The following PARP16 variants were observed in gnomAD, a reference collection of about 807,000 sequenced individuals.
The protein encoded by PARP16 is poly(ADP-ribose) polymerase family member 16.
A neutral mutation model predicts 35.0 loss-of-function variants in PARP16; 31 were observed. The observed-to-expected ratio is 0.88, with a 90% CI of 0.66 to 1.19. The LOEUF is 1.19. Among genes scored for constraint, PARP16 ranks in the 50% most tolerant of loss-of-function variants. The pLI is 0.00. For synonymous variants in PARP16, 162 were observed against 169.5 expected (o/e 0.96, Z 0.34); for missense variants, 424 against 411.2 (o/e 1.03, Z -0.27).
intron 3 of PARP16, among the ~76,000 whole-genome samples, chr15:65,239,955 C>CTTTTTTTTTTTTTTTTTTTTTTTTTTTTT (rs367808430): frequency 2.4e-5 from 2 of 81,722 alleles, no homozygotes; most frequent in African/African-American, 5.8e-5. Context: ...CGCGTCTGAC[C>CTTTTTTTTTTTTTTTTTTTTTTTTTTTTT]TTTTTTTTTT....
chr15:65,276,252 C>T (rs1377249679), intron 1 of PARP16, among the ~76,000 whole-genome samples: 1 of 152,152 alleles, frequency 6.6e-6, no homozygotes, highest in South Asian at 2.1e-4. Flanking sequence ...TGACTAAAAC[C>T]TGTCTGCATT....
chr15:65,262,134 CTTTTTTT>C (rs958810685), intron 4 of PARP16, among the ~76,000 whole-genome samples: 29 of 132,242 alleles, frequency 2.2e-4, no homozygotes, highest in Middle Eastern at 3.9e-3. Flanking sequence ...TTTTTTCTTT[CTTTTTTT>C]TTTTTTTTTT....
At chr15:65,233,876 G>A (rs1278164387), downstream of PARP16, among the ~76,000 whole-genome samples, 1 of 152,056 alleles carries the variant, frequency 6.6e-6, no homozygotes, top group Non-Finnish European at 1.5e-5. Context: ...TTTGGCCTGA[G>A]TATTCCTTAC....
intron 3 of PARP16, among the ~76,000 whole-genome samples, chr15:65,236,937 A>G (rs904471182): frequency 2.0e-5 from 3 of 148,478 alleles, no homozygotes; most frequent in African/African-American, 7.5e-5. Flanking sequence ...GCACCACTGC[A>G]CTCTAGCCTG....
At chr15:65,239,761 A>G (rs964070014) in intron 3 of PARP16, among the ~76,000 whole-genome samples, 1 of 145,758 alleles carries the variant, frequency 6.9e-6, no homozygotes, top group African/African-American at 2.6e-5. Flanking sequence ...GGTTCACGCC[A>G]TTCTCCTGCC....
intron 3 of PARP16, among the ~76,000 whole-genome samples, chr15:65,239,100 C>T (rs1386926134): frequency 6.6e-6 from 1 of 151,686 alleles, no homozygotes; most frequent in African/African-American, 2.4e-5. Context: ...TACTGCACAG[C>T]AGCCTGGGTG....
intron 3 of PARP16, among the ~76,000 whole-genome samples, chr15:65,239,495 A>C (rs938863128): frequency 2.0e-5 from 3 of 149,578 alleles, no homozygotes; most frequent in Non-Finnish European, 3.0e-5. Flanking sequence ...AAAAATGAAA[A>C]AGAACTATAC....
intron 3 of PARP16, among the ~76,000 whole-genome samples, chr15:65,264,743 G>T (rs527831590): frequency 6.6e-6 from 1 of 152,190 alleles, no homozygotes; most frequent in Non-Finnish European, 1.5e-5. Flanking sequence ...GTGTACAAGA[G>T]TGGGAAGCTC....
rs760479511 is a variant in PARP16, at chr15:65,271,001, G to C, written c.246C>G (p.Ala82=). 1.9e-6 allele frequency: 3 copies of C among 1,614,082 alleles called. No individual in the cohort carries two copies. In the Admixed American group the frequency reaches 5.0e-5, roughly 27 times the overall value. Residue 82 remains alanine (A), a synonymous_variant, in exon 2 of 6, where the codon GCC becomes GCG. Coordinates refer to ENST00000649807, the MANE Select transcript of PARP16 (RefSeq NM_001316943.2). ...LQSSGDNHKR[A]WDLVSWILSS... ...ATAAAATCCAGCTCACCAGGTCCCA[G>C]GCCCGTTTGTGGTTGTCTCCGGAGG...
At chr15:65,285,299 G>A (rs1472899934) in intron 1 of PARP16, among the ~76,000 whole-genome samples, 7 of 151,968 alleles carry the variant, frequency 4.6e-5, no homozygotes, top group African/African-American at 1.5e-4. Context: ...CACCACGCCC[G>A]GCTAACTTTT....
chr15:65,272,998 G>A (rs531551799), intron 1 of PARP16, among the ~76,000 whole-genome samples: 1 of 152,174 alleles, frequency 6.6e-6, no homozygotes, highest in South Asian at 2.1e-4. Context: ...CCTGTGTGGT[G>A]GCCCGGTGTG....
In PARP16 at chr15:65,253,022, T is replaced by G. The variant is rs537856907; in HGVS notation, c.203-4794A>C. ...GCACATGCCTGTAATCCCAGCTACT[T>G]GGGAGGCTGAGGTAGGAGAATCACT... On this transcript the variant is annotated intron_variant and NMD_transcript_variant, in intron 2 of 3. Coordinates refer to the PARP16 transcript ENST00000559805. Among the ~76,000 whole-genome samples the G allele has an allele frequency of 6.5e-3, 991 of 151,446 alleles. 6 individuals are homozygous for G. Among genetic ancestry groups the G allele is most frequent in the Non-Finnish European group, 0.011 (737 of 67,852 alleles).
At chr15:65,267,040 G>A (rs536184142) in intron 2 of PARP16, among the ~76,000 whole-genome samples, 9 of 150,874 alleles carry the variant, frequency 6.0e-5, no homozygotes, top group Admixed American at 1.3e-4. Flanking sequence ...TCAGGAGTTC[G>A]AGACCAGCCT....
At chr15:65,246,430 T>C (rs1474521968) in intron 3 of PARP16, among the ~76,000 whole-genome samples, 2 of 152,214 alleles carry the variant, frequency 1.3e-5, no homozygotes, top group African/African-American at 4.8e-5. Flanking sequence ...CTCAGCCACC[T>C]GAGCCAGGAG....
intron 3 of PARP16, among the ~76,000 whole-genome samples, chr15:65,242,906 G>C (rs1334736377): frequency 6.6e-6 from 1 of 151,742 alleles, no homozygotes; most frequent in African/African-American, 2.4e-5. Context: ...GTAGAGACAG[G>C]GTTTCACCAT....
chr15:65,248,190 T>C (rs572025830), exon 3 of PARP16: 44 of 456,500 alleles, frequency 9.6e-5, no homozygotes, highest in African/African-American at 7.6e-4. Context: ...ACACTCTGGC[T>C]TTACTCTGGC....
At chr15:65,232,843 A>G (rs1223432221), downstream of PARP16, among the ~76,000 whole-genome samples, 2 of 152,038 alleles carry the variant, frequency 1.3e-5, no homozygotes, top group African/African-American at 4.8e-5. Flanking sequence ...ATCGCGTGAG[A>G]ACCACAAGTT....
downstream of PARP16, among the ~76,000 whole-genome samples, chr15:65,231,323 C>T (rs373145865): frequency 1.6e-4 from 24 of 152,196 alleles, no homozygotes; most frequent in East Asian, 1.9e-3. Context: ...TGCGCACACA[C>T]GTTATTTATT....
At chr15:65,245,277 G>A (rs2140750179) in intron 3 of PARP16, among the ~76,000 whole-genome samples, 1 of 152,304 alleles carries the variant, frequency 6.6e-6, no homozygotes, top group East Asian at 1.9e-4. Flanking sequence ...CTCTGCTCAT[G>A]GAAAGTCCCC....
Sources: gnomAD v4.1 joint callset for allele counts (sites outside exome capture counted in the v4.1 genomes callset) on GRCh38, gnomAD v4.1.1 for gene constraint, MANE v1.5 for transcripts, NCBI Gene and HGNC (gene_info 2026-07-23, HGNC 2026-07-21) for gene names.